Variants in RHBDD1 observed in about 807,000 individuals in gnomAD.
RHBDD1 encodes the protein rhomboid-related protein 4.
Under a neutral mutation model 36.3 loss-of-function variants are expected in RHBDD1, and 38 were observed. That is an observed-to-expected ratio of 1.05 (90% CI 0.81 to 1.37). RHBDD1 has a LOEUF of 1.37. RHBDD1 is among the 40% of genes most tolerant of loss of function. The pLI, the probability that RHBDD1 is intolerant of heterozygous loss-of-function variation, is 0.00. For synonymous variants in RHBDD1, 151 were observed against 136.5 expected (o/e 1.11, Z -0.74); for missense variants, 393 against 377.6 (o/e 1.04, Z -0.34).
chr2:226,914,236 G>T lies in RHBDD1; in HGVS notation c.741G>T (p.Pro247=), dbSNP rs373351039. The T allele has an allele frequency of 1.5e-5, 25 of 1,613,562 alleles. No individual in the cohort carries two copies. The highest frequency in any genetic ancestry group is 2.2e-5 in the South Asian group (2 of 91,068). ...SGSSGYQDYY[P]HGRPDHYEEA... Reference sequence around the variant, plus strand: ...GCTCTGGATATCAGGATTATTATCCGCATGGCAGGCCAGATCACTATGAAG... The same window carrying T: ...GCTCTGGATATCAGGATTATTATCCTCATGGCAGGCCAGATCACTATGAAG... The change falls in exon 8 of 9, where the codon CCG becomes CCT. Residue 247 remains proline, a synonymous_variant. Transcript: ENST00000392062.
At chr2:226,859,403 A>G (rs1420849847) in intron 3 of RHBDD1, among the ~76,000 whole-genome samples, 5 of 152,212 alleles carry the variant, frequency 3.3e-5, no homozygotes, top group Admixed American at 2.0e-4. Flanking sequence ...GATTTGAAGT[A>G]TATGGGAGGG....
intron 5 of RHBDD1, among the ~76,000 whole-genome samples, chr2:226,868,650 C>T (rs1319485334): frequency 1.3e-5 from 2 of 152,158 alleles, no homozygotes; most frequent in African/African-American, 2.4e-5. Context: ...ATTTGTGTGA[C>T]TGTGCTGGGT....
chr2:226,818,981 C>T, the RHBDD1 span, among the ~76,000 whole-genome samples: 2 of 152,204 alleles, frequency 1.3e-5, no homozygotes, highest in East Asian at 1.9e-4. Context: ...AGTCCCATGA[C>T]TCCAGATCAT....
chr2:226,956,924 G>A (rs1358767486), intron 8 of RHBDD1, among the ~76,000 whole-genome samples: 3 of 152,188 alleles, frequency 2.0e-5, no homozygotes, highest in Non-Finnish European at 4.4e-5. Context: ...TCTAGCTTAT[G>A]TGTGTCCTCC....
chr2:226,971,273 C>T (rs538666407), intron 8 of RHBDD1, among the ~76,000 whole-genome samples: 1 of 152,280 alleles, frequency 6.6e-6, no homozygotes, highest in Admixed American at 6.5e-5. Flanking sequence ...TTGGTGAATG[C>T]CCAAGTGAGT....
intron 5 of RHBDD1, among the ~76,000 whole-genome samples, chr2:226,875,674 C>G (rs766143953): frequency 5.9e-5 from 9 of 152,130 alleles, no homozygotes; most frequent in Non-Finnish European, 1.2e-4. Flanking sequence ...AATAATAGGG[C>G]AGATGATGAG....
intron 8 of RHBDD1, among the ~76,000 whole-genome samples, chr2:226,944,036 T>C (rs1342037265): frequency 6.6e-6 from 1 of 152,220 alleles, no homozygotes; most frequent in Non-Finnish European, 1.5e-5. Context: ...GTTTCTGTTA[T>C]GCCTTTGCTC....
At chr2:226,873,379 G>A (rs1006871699) in intron 5 of RHBDD1, among the ~76,000 whole-genome samples, 11 of 152,150 alleles carry the variant, frequency 7.2e-5, no homozygotes, top group Admixed American at 2.0e-4. Flanking sequence ...TGACAGAGGG[G>A]GAGTTAGAGT....
intron 8 of RHBDD1, among the ~76,000 whole-genome samples, chr2:226,966,864 A>AGTGGG (rs1427355939): frequency 2.0e-5 from 3 of 147,828 alleles, no homozygotes; most frequent in Non-Finnish European, 4.5e-5. Flanking sequence ...TAGAAATGGG[A>AGTGGG]GTGGGGTGGG....
chr2:226,960,626 G>T (rs985296795), intron 8 of RHBDD1, among the ~76,000 whole-genome samples: 2 of 152,138 alleles, frequency 1.3e-5, no homozygotes, highest in African/African-American at 4.8e-5. Flanking sequence ...CAAAATTAGG[G>T]GTTATCAACT....
intron 5 of RHBDD1, among the ~76,000 whole-genome samples, chr2:226,892,617 A>G (rs13427360): frequency 0.19 from 28,367 of 152,132 alleles, 4,321 homozygotes; most frequent in African/African-American, 0.42. Flanking sequence ...GTAGAATAGA[A>G]TAAGTAAGAC....
intron 3 of RHBDD1, among the ~76,000 whole-genome samples, chr2:226,840,530 A>G (rs1051929853): frequency 6.6e-6 from 1 of 152,174 alleles, no homozygotes; most frequent in African/African-American, 2.4e-5. Context: ...TTTATTCTTG[A>G]TGGTGATTCT....
At chr2:226,820,145 A>T in the RHBDD1 span, among the ~76,000 whole-genome samples, 1 of 152,278 alleles carries the variant, frequency 6.6e-6, no homozygotes, top group Middle Eastern at 3.4e-3. Context: ...ATGAGATAAT[A>T]ATCCGACCTC....
chr2:226,843,345 G>T (rs965231918), intron 3 of RHBDD1, among the ~76,000 whole-genome samples: 1 of 152,146 alleles, frequency 6.6e-6, no homozygotes, highest in South Asian at 2.1e-4. Flanking sequence ...CTTGTCTTGT[G>T]CTGGTTTTCA....
intron 5 of RHBDD1, among the ~76,000 whole-genome samples, chr2:226,870,303 C>T (rs1044643567): frequency 1.3e-5 from 2 of 152,128 alleles, no homozygotes; most frequent in Non-Finnish European, 2.9e-5. Flanking sequence ...AGTACTCAAC[C>T]CTTTTATTAT....
intron 8 of RHBDD1, among the ~76,000 whole-genome samples, chr2:226,960,462 A>G (rs1033648578): frequency 6.6e-5 from 10 of 152,226 alleles, no homozygotes; most frequent in Admixed American, 3.9e-4. Flanking sequence ...ATTAGGAACA[A>G]CTGTGGATTT....
At chr2:226,880,267 A>G (rs1425273764) in intron 5 of RHBDD1, among the ~76,000 whole-genome samples, 2 of 152,188 alleles carry the variant, frequency 1.3e-5, no homozygotes. Context: ...GGACTGTCCC[A>G]AGCAGATTGG....
chr2:226,827,897 G>A, the RHBDD1 span, among the ~76,000 whole-genome samples: 2 of 152,142 alleles, frequency 1.3e-5, no homozygotes, highest in African/African-American at 4.8e-5. Flanking sequence ...GTCTTTACTA[G>A]GCCTTGGACA....
At chr2:226,825,423 T>C in the RHBDD1 span, among the ~76,000 whole-genome samples, 367 of 152,292 alleles carry the variant, frequency 2.4e-3, 1 homozygote, top group African/African-American at 8.3e-3. Flanking sequence ...ATAAGAACAA[T>C]TGGACAGCTG....
Sources: allele counts gnomAD v4.1 joint callset (sites outside exome capture counted in the v4.1 genomes callset), GRCh38; gene constraint gnomAD v4.1.1; transcripts MANE v1.5; gene names NCBI Gene and HGNC (gene_info 2026-07-23, HGNC 2026-07-21).